The following FANK1 variants were observed in gnomAD, a reference collection of about 807,000 sequenced individuals.
FANK1 encodes the protein fibronectin type 3 and ankyrin repeat domains protein 1.
Under a neutral mutation model 45.3 loss-of-function variants are expected in FANK1, and 44 were observed. The observed-to-expected ratio is 0.97, with a 90% CI of 0.76 to 1.25. The LOEUF (loss-of-function observed/expected upper bound fraction) is 1.25, where lower values mean the gene tolerates loss of function less well. FANK1 is among the 50% of genes most tolerant of loss of function. The probability of loss-of-function intolerance (pLI) is 0.00; values close to 1 mark genes in which losing one functional copy is unlikely to be tolerated. For missense variants in FANK1, 391 were observed against 424.4 expected (o/e 0.92, Z 0.69); for synonymous variants, 149 against 152.5 (o/e 0.98, Z 0.17).
At chr10:125,931,757 G>A (rs1041781647) in intron 1 of FANK1, among the ~76,000 whole-genome samples, 4 of 152,134 alleles carry the variant, frequency 2.6e-5, no homozygotes, top group Admixed American at 6.5e-5. Context: ...ATTTGCTTTT[G>A]GGTTCTTGGT....
chr10:125,986,361 C>T (rs893204760), intron 2 of FANK1, among the ~76,000 whole-genome samples: 8 of 152,030 alleles, frequency 5.3e-5, no homozygotes, highest in East Asian at 3.9e-4. Flanking sequence ...GATCATTGAA[C>T]GTTCAGTGTT....
chr10:125,980,447 C>G, intron 2 of FANK1, 109 bp downstream of exon 2: 3 of 1,251,490 alleles, frequency 2.4e-6, no homozygotes, highest in Non-Finnish European at 3.3e-6. Flanking sequence ...AAGAATGAGT[C>G]AGCATCATTT....
chr10:125,988,609 C>T lies in FANK1; in HGVS notation c.250C>T (p.Arg84Cys), dbSNP rs770914661. Residue 84 changes from arginine to cysteine, a missense_variant, in exon 3 of 11, where the codon CGC becomes TGC. Transcript: ENST00000368693. ...GLEPRTLYRF[R>C]LKVTSPSGEC... is the part of the protein sequence containing the mutation. ...GGAACCAAGGACGCTGTACAGATTT[C>T]GCCTGAAGGTCACCAGCCCCTCTGG... 1.0e-4 allele frequency: 167 copies of T among 1,614,104 alleles called. 1 individual carries two copies. Among genetic ancestry groups the T allele is most frequent in the Non-Finnish European group, 1.3e-4 (150 of 1,180,054 alleles).
chr10:125,987,722 T>C (rs1162963421), intron 2 of FANK1, among the ~76,000 whole-genome samples: 1 of 152,152 alleles, frequency 6.6e-6, no homozygotes, highest in African/African-American at 2.4e-5. Flanking sequence ...TGTCAACTTT[T>C]GGAGACCTGA....
At position 125,945,592 on chromosome 10, in the gene FANK1, AG is replaced by A. The variant is rs1351777912; in HGVS notation, c.14-34566del. Among the ~76,000 whole-genome samples, 4 of 152,186 alleles carry A rather than the reference AG, an allele frequency of 2.6e-5. No individual in the cohort carries two copies. In the East Asian group the frequency reaches 5.8e-4, roughly 22 times the overall value. ...AGATTATATCCCACACCTGGCTGGG[AG>A]GGTCCTACGCCCACGGAATCTCGCT... On this transcript the variant is annotated intron_variant, in intron 1 of 10. Transcript: ENST00000368693.
intron 1 of FANK1, among the ~76,000 whole-genome samples, chr10:125,913,332 T>C (rs560365949): frequency 6.6e-6 from 1 of 150,804 alleles, no homozygotes; most frequent in Non-Finnish European, 1.5e-5. Context: ...GACACCTAAA[T>C]GCTGCATGAC....
At chr10:125,940,629 T>C (rs778361698) in intron 1 of FANK1, among the ~76,000 whole-genome samples, 41 of 152,170 alleles carry the variant, frequency 2.7e-4, no homozygotes, top group Non-Finnish European at 5.3e-4. Context: ...CCTTCCTCTT[T>C]TACTATTCCT....
intron 1 of FANK1, among the ~76,000 whole-genome samples, chr10:125,978,873 G>T (rs1246678219): frequency 6.6e-6 from 1 of 152,176 alleles, no homozygotes; most frequent in Non-Finnish European, 1.5e-5. Flanking sequence ...TTTCCTAAGT[G>T]TATGTACAGG....
At chr10:125,934,733 T>TGC (rs1564888250) in intron 1 of FANK1, among the ~76,000 whole-genome samples, 38 of 80,014 alleles carry the variant, frequency 4.7e-4, no homozygotes, top group African/African-American at 2.2e-3. Context: ...CGTTTTTTTT[T>TGC]TTTTTTTTTT....
chr10:125,959,079 C>T (rs1387083625), intron 1 of FANK1, among the ~76,000 whole-genome samples: 1 of 152,030 alleles, frequency 6.6e-6, no homozygotes. Context: ...CAATGTTCTT[C>T]GAGTCATATT....
At chr10:125,933,213 ATTC>A (rs1215464823) in intron 1 of FANK1, among the ~76,000 whole-genome samples, 3 of 152,048 alleles carry the variant, frequency 2.0e-5, no homozygotes, top group Non-Finnish European at 2.9e-5. Context: ...CTTGGTACCA[ATTC>A]TTCTTTGAAT....
At chr10:125,933,024 CCATCCCTG>C (rs761238275) in intron 1 of FANK1, among the ~76,000 whole-genome samples, 21 of 152,040 alleles carry the variant, frequency 1.4e-4, no homozygotes, top group Non-Finnish European at 2.2e-4. Context: ...ATATGTTAAA[CCATCCCTG>C]CATCCCTGGT....
intron 1 of FANK1, among the ~76,000 whole-genome samples, chr10:125,924,767 A>G (rs1251658491): frequency 6.7e-6 from 1 of 148,476 alleles, no homozygotes; most frequent in Non-Finnish European, 1.5e-5. Flanking sequence ...AGATTTTGCT[A>G]CTGCACTCCA....
rs1951802384 is a variant in FANK1 at position 125,989,779 on chromosome 10, A to G, written c.316+1104A>G. Among the ~76,000 whole-genome samples, 4 of 152,380 alleles carry G rather than the reference A, an allele frequency of 2.6e-5. No individual in the cohort carries two copies. The South Asian group carries it at 8.3e-4, about 32-fold the overall frequency. ...ACCTCTGGGGTTCTTAAGAGAAAGC[A>G]AAGACAGCAGAACATGAGCTCTGTG... On this transcript the variant is annotated intron_variant, in intron 3 of 10. Transcript: ENST00000368693.
chr10:125,960,080 A>T (rs1949823688), intron 1 of FANK1: 2 of 156,076 alleles, frequency 1.3e-5, no homozygotes, highest in Admixed American at 1.3e-4. Flanking sequence ...GCTACAGGAA[A>T]GGTCTGAAAT....
chr10:125,993,559 C>T (rs1952088395), intron 3 of FANK1, among the ~76,000 whole-genome samples: 1 of 152,114 alleles, frequency 6.6e-6, no homozygotes, highest in African/African-American at 2.4e-5. Flanking sequence ...GTGCTCCATC[C>T]CCTTCGTTGT....
intron 3 of FANK1, among the ~76,000 whole-genome samples, chr10:125,993,324 C>T (rs1952071903): frequency 6.6e-6 from 1 of 152,106 alleles, no homozygotes; most frequent in South Asian, 2.1e-4. Flanking sequence ...ATAAACATAC[C>T]ACTTTTCTTC....
intron 2 of FANK1, among the ~76,000 whole-genome samples, chr10:125,981,292 G>A (rs981073674): frequency 2.6e-5 from 4 of 152,090 alleles, no homozygotes; most frequent in Admixed American, 6.5e-5. Context: ...CAGATCCCTT[G>A]AACCTGGATG....
intron 7 of FANK1, among the ~76,000 whole-genome samples, chr10:126,006,129 T>A (rs1158135663): frequency 6.6e-6 from 1 of 152,226 alleles, no homozygotes; most frequent in African/African-American, 2.4e-5. Flanking sequence ...GACTGCCAGA[T>A]GGTGTGTAGA....
Sources: allele counts gnomAD v4.1 joint callset (sites outside exome capture counted in the v4.1 genomes callset), GRCh38; gene constraint gnomAD v4.1.1; transcripts MANE v1.5; gene names NCBI Gene and HGNC (gene_info 2026-07-23, HGNC 2026-07-21).